Variants in FAM149A observed in about 807,000 individuals in gnomAD.
The protein encoded by FAM149A is protein FAM149A.
In FAM149A, 71 loss-of-function variants were observed where a neutral mutation model predicts 78.2. The ratio of observed to expected loss-of-function variants is 0.91; its 90% CI spans 0.75 to 1.11. FAM149A has a LOEUF of 1.11. Among genes scored for constraint, FAM149A ranks in the 50% least tolerant of loss-of-function variants. The pLI is 0.00. For missense variants in FAM149A, 1,036 were observed against 971.0 expected, an observed-to-expected ratio of 1.07 and a Z score of -0.89; for synonymous variants, 446 against 410.5, an observed-to-expected ratio of 1.09 and a Z score of -1.04.
intron 1 of FAM149A, among the ~76,000 whole-genome samples, chr4:186,124,899 A>C (rs936560487): frequency 6.6e-6 from 1 of 151,956 alleles, no homozygotes; most frequent in Non-Finnish European, 1.5e-5. Context: ...AAGTGTTCCT[A>C]TTTCTCCACA....
At chr4:186,151,099 G>T in intron 3 of FAM149A, 1 of 982,274 alleles carries the variant, frequency 1.0e-6, no homozygotes, top group Non-Finnish European at 1.2e-6. Flanking sequence ...AGGGGAGCCG[G>T]CAGGGCAGGT....
At chr4:186,166,578 G>T (rs2126542739) in intron 11 of FAM149A, among the ~76,000 whole-genome samples, 1 of 149,690 alleles carries the variant, frequency 6.7e-6, no homozygotes, top group East Asian at 2.0e-4. Context: ...TTGAACCCTG[G>T]AGGCCAAGGT....
Position 186,157,735 on chromosome 4 carries a change from C to T in FAM149A, c.1575+16C>T, listed in dbSNP as rs762128256. On this transcript the variant is annotated intron_variant, in intron 8 of 13. Coordinates refer to ENST00000389354, the MANE Select transcript of FAM149A (RefSeq NM_001367768.3). ...CCCGCCCCAGGTCGGTGCTTTCACA[C>T]CCTTCTCCCTCTTGCCTTCACTCTG... 1 of 1,595,022 alleles carries T rather than the reference C, an allele frequency of 6.3e-7. No homozygotes were observed. Among genetic ancestry groups the T allele is most frequent in the African/African-American group, 1.3e-5 (1 of 74,492 alleles).
intron 1 of FAM149A, chr4:186,131,889 C>T (rs2099320877): frequency 2.0e-6 from 2 of 985,322 alleles, no homozygotes; most frequent in Non-Finnish European, 2.4e-6. Flanking sequence ...AGACCATTTA[C>T]TGGAAGGTTT....
At chr4:186,116,331 G>T (rs2099313667) in intron 1 of FAM149A, 1 of 341,526 alleles carries the variant, frequency 2.9e-6, no homozygotes, top group Non-Finnish European at 4.1e-6. Context: ...ACCTCAGATG[G>T]AAATGCAGAA....
At chr4:186,169,600 C>T (rs1323626455) in intron 13 of FAM149A, 13 of 985,330 alleles carry the variant, frequency 1.3e-5, no homozygotes, top group African/African-American at 7.0e-5. Flanking sequence ...TCAGGCAGCA[C>T]ACCACGATCT....
At chr4:186,109,308 ACTCT>A in intron 1 of FAM149A, 1 of 677,170 alleles carries the variant, frequency 1.5e-6, no homozygotes, top group Non-Finnish European at 1.8e-6. Flanking sequence ...GCATATATTC[ACTCT>A]TTTTTTTTTT....
intron 3 of FAM149A, among the ~76,000 whole-genome samples, chr4:186,151,435 TGGC>T (rs1303430694): frequency 6.6e-6 from 1 of 152,204 alleles, no homozygotes; most frequent in African/African-American, 2.4e-5. Flanking sequence ...AGGAGATTAA[TGGC>T]CTTTTCTACA....
At chr4:186,109,602 C>T in intron 1 of FAM149A, 1 of 984,992 alleles carries the variant, frequency 1.0e-6, no homozygotes, top group Non-Finnish European at 1.2e-6. Context: ...GGTGATAATA[C>T]TTTCTGCATA....
chr4:186,107,104 A>C, intron 1 of FAM149A, among the ~76,000 whole-genome samples: 1 of 152,182 alleles, frequency 6.6e-6, no homozygotes, highest in East Asian at 1.9e-4. Context: ...CATATGCCTG[A>C]GGAATTAGAT....
In FAM149A at chr4:186,164,369, ACAAGTGCTCT is replaced by A. The variant is rs1184828697; in HGVS notation, c.1889+739_1889+748del. 18 of 634,340 alleles carry A rather than the reference ACAAGTGCTCT, an allele frequency of 2.8e-5. No individual in the cohort carries two copies. The East Asian group carries it at 2.2e-3, about 78-fold the overall frequency. 39.3% of individuals were successfully genotyped at this position (634,340 alleles called of 1,614,324 possible). ...GGAAGAGGCCCAGCCGGACACACCC[ACAAGTGCTCT>A]CAGGCTTTAGAGACCACCCACTGGA... is the stretch of plus-strand genomic sequence containing the variant. On this transcript the variant is annotated intron_variant, in intron 10 of 13. Coordinates refer to ENST00000389354, the MANE Select transcript of FAM149A (RefSeq NM_001367768.3). The surrounding 1 kb of genome is among the most constrained non-coding windows in gnomAD (Gnocchi z 4.0).
chr4:186,109,557 CCCTAG>C, intron 1 of FAM149A: 1 of 985,354 alleles, frequency 1.0e-6, no homozygotes, highest in East Asian at 1.1e-4. Context: ...TTCATTTCTT[CCCTAG>C]CTGTAGTTTT....
chr4:186,125,036 G>A (rs964774545), intron 1 of FAM149A, among the ~76,000 whole-genome samples: 1 of 152,100 alleles, frequency 6.6e-6, no homozygotes, highest in Non-Finnish European at 1.5e-5. Context: ...ATTTTTTCAT[G>A]TGTCTTTTGG....
chr4:186,173,354 T>A lies in FAM149A; in HGVS notation c.*1367T>A, dbSNP rs912860759. ...TGACTTTGCTGACTCCATTTCTTTT[T>A]TCTTTTCTTTTTTTTTGAAACGGAG... On this transcript the variant is annotated 3_prime_UTR_variant, in exon 14 of 14. Coordinates refer to ENST00000389354, the MANE Select transcript of FAM149A (RefSeq NM_001367768.3). 9.1e-6 allele frequency among the ~76,000 whole-genome samples: 1 copy of A among 110,122 alleles called. No individual in the cohort carries two copies. The highest frequency in any genetic ancestry group is 2.9e-5 in the African/African-American group (1 of 34,528). The allele number at this position is 110,122 out of a possible 152,430, so 72.2% of individuals were successfully genotyped here. A position where few individuals can be genotyped will look rare whatever the true frequency, so the allele number is the denominator to read the frequency against.
intron 3 of FAM149A, among the ~76,000 whole-genome samples, chr4:186,150,514 G>C (rs1453338105): frequency 3.7e-5 from 5 of 136,524 alleles, no homozygotes; most frequent in African/African-American, 5.4e-5. Context: ...CCGCCTCCCG[G>C]GTTCACGCCA....
chr4:186,174,424 A>G lies in FAM149A; in HGVS notation c.*2437A>G, dbSNP rs1444483991. The stretch of plus-strand genomic sequence containing the variant: ...AAAGGACATAATCTCATTCTTTTTT[A>G]TGAGCTCAAGCTTCGTAGTAGGGAA... On this transcript the variant is annotated 3_prime_UTR_variant, in exon 14 of 14. Transcript: ENST00000389354. Among the ~76,000 whole-genome samples the G allele has an allele frequency of 4.5e-5, 5 of 111,366 alleles. 2 individuals are homozygous for G. Among genetic ancestry groups the G allele is most frequent in the Non-Finnish European group, 1.1e-4 (5 of 44,352 alleles). The allele number at this position is 111,366 out of a possible 152,430, so 73.1% of individuals were successfully genotyped here.
At position 186,163,604 on chromosome 4, in the gene FAM149A, T is replaced by C. The variant is rs781203825; in HGVS notation, c.1860T>C (p.Tyr620=). The C allele has an allele frequency of 3.7e-6, 6 of 1,614,112 alleles. No homozygotes were observed. Among genetic ancestry groups the C allele is most frequent in the Non-Finnish European group, 5.1e-6 (6 of 1,179,988 alleles). The change falls in exon 10 of 14, where the codon TAT becomes TAC. Residue 620 remains tyrosine, a synonymous_variant. Coordinates refer to ENST00000389354, the MANE Select transcript of FAM149A (RefSeq NM_001367768.3). ...AGAGACTAAAAACTCCCAACATCTA[T>C]AGTGACGAAGTTCTTCGGGGAACAA...
Position 186,144,296 on chromosome 4 carries a change from C to T in FAM149A, c.567-4877C>T, listed in dbSNP as rs892323054. ...TGGTAACGCAAGCGGCAGGCATGCT[C>T]GGGGTGTGCAGGAGATGCACCGGCT... is the stretch of plus-strand genomic sequence containing the variant. On this transcript the variant is annotated intron_variant, in intron 1 of 13. Transcript: ENST00000389354. This position sits in a 1 kb window ranked among gnomAD's most constrained non-coding sequence, Gnocchi z 4.2. The T allele has an allele frequency of 6.6e-6, 1 of 152,148 alleles. No individual in the cohort carries two copies. The highest frequency in any genetic ancestry group is 1.5e-5 in the Non-Finnish European group (1 of 68,116). 9.4% of individuals were successfully genotyped at this position (152,148 alleles called of 1,614,324 possible).
intron 8 of FAM149A, chr4:186,158,137 C>A: frequency 7.8e-7 from 1 of 1,289,562 alleles, no homozygotes; most frequent in Non-Finnish European, 1.0e-6. Flanking sequence ...GCTCCAGGAA[C>A]ACTGGCCGGC....
Sources: gnomAD v4.1 joint callset for allele counts (sites outside exome capture counted in the v4.1 genomes callset) on GRCh38, gnomAD v4.1.1 for gene constraint, Gnocchi (gnomAD v3.1) non-coding constraint, MANE v1.5 for transcripts, NCBI Gene and HGNC (gene_info 2026-07-23, HGNC 2026-07-21) for gene names.